The following NRXN2 variants were observed in gnomAD, a reference collection of about 807,000 sequenced individuals.
The protein encoded by NRXN2 is neurexin 2, also known as neurexin-2-beta.
Under a neutral mutation model 128.8 loss-of-function variants are expected in NRXN2, and 29 were observed. The ratio of observed to expected loss-of-function variants is 0.23; its 90% CI spans 0.17 to 0.31. The LOEUF is 0.31. NRXN2 is among the 10% of genes least tolerant of loss of function. The pLI is 1.00. For missense variants in NRXN2, 1,881 were observed against 2,452.6 expected, an observed-to-expected ratio of 0.77 and a Z score of 4.92; for synonymous variants, 1,098 against 1,075.2, an observed-to-expected ratio of 1.02 and a Z score of -0.41.
chr11:64,686,183 T>C (rs2053024072), intron 5 of NRXN2, among the ~76,000 whole-genome samples: 1 of 152,138 alleles, frequency 6.6e-6, no homozygotes, highest in Non-Finnish European at 1.5e-5. Flanking sequence ...ACCAGGAGGC[T>C]GCTAAGTGGC....
At chr11:64,712,928 C>T (rs1428159879) in intron 2 of NRXN2, 42 bp downstream of exon 2, 4 of 1,482,138 alleles carry the variant, frequency 2.7e-6, no homozygotes, top group African/African-American at 1.5e-5. Context: ...CAGGCCCTCA[C>T]CCCCGCGCCC....
Position 64,652,114 on chromosome 11 carries a change from A to G in NRXN2, c.2457T>C (p.Asn819=), listed in dbSNP as rs1320083517. The change falls in exon 13 of 23, where the codon AAT becomes AAC. Residue 819 remains asparagine, a synonymous_variant. Coordinates refer to ENST00000265459, the MANE Select transcript of NRXN2 (RefSeq NM_015080.4). Reference sequence around the variant, plus strand: ...CCCTCACCGTGTGCCACTCATTGTCATTGAGCTTGTGCCCCGCAAACAGCG... The same window carrying G: ...CCCTCACCGTGTGCCACTCATTGTCGTTGAGCTTGTGCCCCGCAAACAGCG... ...PETLFAGHKL[N]DNEWHTVRVV... 1 of 1,613,384 alleles carries G rather than the reference A, an allele frequency of 6.2e-7. No homozygotes were observed. The highest frequency in any genetic ancestry group is 8.5e-7 in the Non-Finnish European group (1 of 1,179,976).
Position 64,711,778 on chromosome 11 carries a change from C to T in NRXN2, c.730+1192G>A, listed in dbSNP as rs75792452. Among the ~76,000 whole-genome samples the T allele has an allele frequency of 8.4e-3, 1,283 of 152,314 alleles. 18 individuals are homozygous for T. Among genetic ancestry groups the T allele is most frequent in the African/African-American group, 0.028 (1,165 of 41,554 alleles). ...GAGACTATTGGCCATCTCTGACCCT[C>T]ACCCAAACTGTCCACTCCTCGTCAA... On this transcript the variant is annotated intron_variant, in intron 2 of 22. Transcript: ENST00000265459.
chr11:64,662,105 A>AG (rs2049111222), intron 9 of NRXN2, among the ~76,000 whole-genome samples: 1 of 151,602 alleles, frequency 6.6e-6, no homozygotes, highest in Admixed American at 6.6e-5. Flanking sequence ...AAAAAAAAAA[A>AG]AAATTAGCCG....
chr11:64,608,953 G>T (rs2040179778), intron 22 of NRXN2, among the ~76,000 whole-genome samples: 1 of 152,128 alleles, frequency 6.6e-6, no homozygotes, highest in African/African-American at 2.4e-5. Context: ...CTTGGGAGGG[G>T]ACGGCCACGG....
intron 1 of NRXN2, among the ~76,000 whole-genome samples, chr11:64,718,708 G>C (rs965887794): frequency 3.3e-5 from 5 of 152,160 alleles, no homozygotes; most frequent in Non-Finnish European, 5.9e-5. Context: ...CTTGACCCCT[G>C]AGGTCCTTTT....
Position 64,651,491 on chromosome 11 carries a change from G to A in NRXN2, c.2682C>T (p.Asp894=). 6.2e-7 allele frequency: 1 copy of A among 1,614,148 alleles called. No homozygotes were observed. Among genetic ancestry groups the A allele is most frequent in the Non-Finnish European group, 8.5e-7 (1 of 1,180,020 alleles). ...GLVFNGQPYM[D]QCKDGDITYC... Reference sequence around the variant, plus strand: ...AGGTGATGTCACCATCCTTGCACTGGTCCATGTAGGGCTGGCCATTGAACA... The same window carrying A: ...AGGTGATGTCACCATCCTTGCACTGATCCATGTAGGGCTGGCCATTGAACA... The change falls in exon 14 of 23, where the codon GAC becomes GAT. Residue 894 remains aspartate, a synonymous_variant. Coordinates refer to ENST00000265459, the MANE Select transcript of NRXN2 (RefSeq NM_015080.4). This position sits in a 1 kb window ranked among gnomAD's most constrained non-coding sequence, Gnocchi z 5.9.
chr11:64,705,455 G>A (rs376950048), intron 2 of NRXN2, among the ~76,000 whole-genome samples: 4 of 149,912 alleles, frequency 2.7e-5, no homozygotes, highest in African/African-American at 7.4e-5. Context: ...CTCCTCCCCC[G>A]ACCTTGTGAT....
chr11:64,707,267 G>T (rs950948692), intron 2 of NRXN2, among the ~76,000 whole-genome samples: 2 of 151,830 alleles, frequency 1.3e-5, no homozygotes, highest in East Asian at 3.9e-4. Flanking sequence ...GGCGCCTGTA[G>T]TCCCAGCTAC....
intron 11 of NRXN2, among the ~76,000 whole-genome samples, chr11:64,655,493 C>G (rs141733007): frequency 2.1e-4 from 32 of 151,854 alleles, no homozygotes; most frequent in African/African-American, 6.8e-4. Context: ...GCCCTGGAGT[C>G]AGGTCACGGG....
At chr11:64,712,227 G>A (rs946022363) in intron 2 of NRXN2, among the ~76,000 whole-genome samples, 16 of 145,242 alleles carry the variant, frequency 1.1e-4, no homozygotes, top group Non-Finnish European at 2.3e-4. Context: ...GCCCACACTG[G>A]CCTTCCACAC....
At chr11:64,668,062 G>C (rs1191857362) in intron 8 of NRXN2, among the ~76,000 whole-genome samples, 2 of 152,180 alleles carry the variant, frequency 1.3e-5, no homozygotes, top group Non-Finnish European at 2.9e-5. Flanking sequence ...TATGAAGTAG[G>C]CACTGACTAC....
At chr11:64,673,720 G>GTGTT (rs756986301) in intron 7 of NRXN2, among the ~76,000 whole-genome samples, 59 of 152,158 alleles carry the variant, frequency 3.9e-4, no homozygotes, top group African/African-American at 8.7e-4. Flanking sequence ...TAGAGATAGG[G>GTGTT]TGTTTGTTTG....
At chr11:64,721,830 G>A (rs1453693306) in intron 1 of NRXN2, among the ~76,000 whole-genome samples, 1 of 152,040 alleles carries the variant, frequency 6.6e-6, no homozygotes, top group African/African-American at 2.4e-5. Context: ...AGCCCCCAGG[G>A]CAGCCAAGGG....
chr11:64,712,826 A>G (rs997621314), intron 2 of NRXN2, 144 bp downstream of exon 2: 35 of 741,534 alleles, frequency 4.7e-5, no homozygotes, highest in Non-Finnish European at 7.4e-5. Context: ...GCGTCCCCGC[A>G]GCCCTGGAGC....
chr11:64,702,480 C>T (rs2055618137), intron 2 of NRXN2, among the ~76,000 whole-genome samples: 1 of 151,738 alleles, frequency 6.6e-6, no homozygotes, highest in Admixed American at 6.6e-5. Context: ...GCCTTGGGAT[C>T]CTGTTGATCG....
chr11:64,655,049 G>A (rs575523780), intron 11 of NRXN2, among the ~76,000 whole-genome samples: 10 of 152,290 alleles, frequency 6.6e-5, no homozygotes, highest in African/African-American at 2.2e-4. Flanking sequence ...GCCTCCTGTC[G>A]CTCCACCCCA....
intron 9 of NRXN2, among the ~76,000 whole-genome samples, chr11:64,663,007 A>G (rs1295918098): frequency 1.3e-5 from 2 of 152,124 alleles, no homozygotes; most frequent in Non-Finnish European, 2.9e-5. Flanking sequence ...GTGGGAACCC[A>G]AGAGGGAAGA....
intron 18 of NRXN2, among the ~76,000 whole-genome samples, chr11:64,633,675 T>C (rs564593206): frequency 6.6e-6 from 1 of 152,036 alleles, no homozygotes; most frequent in East Asian, 1.9e-4. Context: ...ATACACTCCA[T>C]CAGAAATCAT....
Sources: gnomAD v4.1 joint callset for allele counts (sites outside exome capture counted in the v4.1 genomes callset) on GRCh38, gnomAD v4.1.1 for gene constraint, Gnocchi (gnomAD v3.1) non-coding constraint, MANE v1.5 for transcripts, NCBI Gene and HGNC (gene_info 2026-07-23, HGNC 2026-07-21) for gene names.